SYNE1: variants seen among roughly 807,000 people sequenced by gnomAD.
The protein encoded by SYNE1 is nesprin-1.
A neutral mutation model predicts 1,111.0 loss-of-function variants in SYNE1; 616 were observed. The ratio of observed to expected loss-of-function variants is 0.55; its 90% CI spans 0.52 to 0.59. The LOEUF is 0.59. Ranked by LOEUF, SYNE1 falls within the 20% of genes least tolerant of loss-of-function variation. The pLI is 0.00. For synonymous variants in SYNE1, 3,855 were observed against 3,825.8 expected, an observed-to-expected ratio of 1.01 and a Z score of -0.28; for missense variants, 10,006 against 10,417.0, an observed-to-expected ratio of 0.96 and a Z score of 1.72.
At chr6:152,180,980 A>G (rs1040351284) in intron 128 of SYNE1, among the ~76,000 whole-genome samples, 3 of 151,136 alleles carry the variant, frequency 2.0e-5, no homozygotes, top group African/African-American at 4.9e-5. Context: ...TTCACATATG[A>G]TACAATCACC....
At chr6:152,368,888 C>T in intron 61 of SYNE1, 84 bp downstream of exon 61, 1 of 1,579,682 alleles carries the variant, frequency 6.3e-7, no homozygotes, top group Non-Finnish European at 8.7e-7. Flanking sequence ...GGTCAGGATG[C>T]AATGCACACC....
chr6:152,207,005 G>A (rs761975098), intron 125 of SYNE1, among the ~76,000 whole-genome samples: 5 of 152,124 alleles, frequency 3.3e-5, no homozygotes, highest in African/African-American at 4.8e-5. Context: ...CTCAGGAATC[G>A]AGTAAAAGTA....
chr6:152,517,318 T>C (rs896029815), intron 6 of SYNE1, among the ~76,000 whole-genome samples: 2 of 152,254 alleles, frequency 1.3e-5, no homozygotes, highest in African/African-American at 4.8e-5. Context: ...TCTCCATTTA[T>C]AAAACTAGTT....
chr6:152,450,695 T>C lies in SYNE1; in HGVS notation c.3325A>G (p.Arg1109Gly). The C allele has an allele frequency of 6.2e-7, 1 of 1,614,194 alleles. No individual in the cohort carries two copies. Among genetic ancestry groups the C allele is most frequent in the Non-Finnish European group, 8.5e-7 (1 of 1,180,032 alleles). ...GTCHVTLKEL[R>G]AAIDSTYRKL... The stretch of plus-strand genomic sequence containing the variant: ...CTGTAGGTGCTGTCAATGGCAGCTC[T>C]GAGCTCTTTGAGAGTCACGTGACAG... The change falls in exon 27 of 146, where the codon AGA becomes GGA. Residue 1109 changes from arginine (R) to glycine (G), a missense_variant. Arg to Gly is a moderately radical substitution (Grantham distance 125). Around this residue, in one of 7 missense-constraint regions of SYNE1, gnomAD observed 1,971 missense variants for 2,084.1 expected, o/e 0.95. Transcript: ENST00000367255.
In SYNE1 at chr6:152,220,001, A is replaced by C. The variant is rs75235633; in HGVS notation, c.21862-816T>G. Among the ~76,000 whole-genome samples the C allele has an allele frequency of 2.6e-3, 399 of 152,358 alleles. 1 individual carries two copies. The highest frequency in any genetic ancestry group is 9.2e-3 in the African/African-American group (384 of 41,578). ...AGGGCTCTTTACGCTTGACACAGATAACAGACAAGGTGTATTTCAATTCAG... is the reference window on the plus strand; with the variant it reads ...AGGGCTCTTTACGCTTGACACAGATCACAGACAAGGTGTATTTCAATTCAG... On this transcript the variant is annotated intron_variant, in intron 119 of 145. Coordinates refer to ENST00000367255, the MANE Select transcript of SYNE1 (RefSeq NM_182961.4).
chr6:152,151,186 C>T (rs751689808), intron 135 of SYNE1, among the ~76,000 whole-genome samples: 4 of 150,516 alleles, frequency 2.7e-5, no homozygotes, highest in Non-Finnish European at 5.9e-5. Context: ...TGCGCCACTG[C>T]ACTTCAGCCT....
chr6:152,306,286 T>C (rs2095369796), intron 91 of SYNE1, among the ~76,000 whole-genome samples: 1 of 152,068 alleles, frequency 6.6e-6, no homozygotes, highest in African/African-American at 2.4e-5. Context: ...AGGAGTTCAA[T>C]ACCAGCCTGG....
At chr6:152,352,976 T>G (rs1392022582) in intron 69 of SYNE1, among the ~76,000 whole-genome samples, 1 of 152,180 alleles carries the variant, frequency 6.6e-6, no homozygotes, top group Non-Finnish European at 1.5e-5. Context: ...GGCCATTAAT[T>G]TGAGAGAGAA....
intron 39 of SYNE1, among the ~76,000 whole-genome samples, chr6:152,420,539 G>A (rs1476213521): frequency 2.0e-5 from 3 of 152,138 alleles, no homozygotes; most frequent in Non-Finnish European, 4.4e-5. Flanking sequence ...AGAATTGCTT[G>A]AACCTAGGAG....
chr6:152,283,690 C>T (rs979415283), intron 96 of SYNE1, among the ~76,000 whole-genome samples: 1 of 152,108 alleles, frequency 6.6e-6, no homozygotes, highest in Non-Finnish European at 1.5e-5. Context: ...GCACACACCA[C>T]CATGTCTGGC....
At chr6:152,414,330 G>C (rs2154178471) in intron 41 of SYNE1, among the ~76,000 whole-genome samples, 1 of 152,114 alleles carries the variant, frequency 6.6e-6, no homozygotes, top group African/African-American at 2.4e-5. Flanking sequence ...GATCATGTGA[G>C]CCCAAAAGTT....
At position 152,136,660 on chromosome 6, in the gene SYNE1, C is replaced by T. The variant is rs118187988; in HGVS notation, c.25617G>A (p.Glu8539=). Residue 8539 remains glutamate (E), a synonymous_variant, in exon 141 of 146, where the codon GAG becomes GAA. Transcript: ENST00000367255. The part of the protein sequence containing the change: ...GRWDRVCSLL[E]EWRGLLQDAL... ...CATCCTGCAGCAGGCCCCGCCACTC[C>T]TCCAGCAGAGAGCACACTCGGTCCC... 3,435 of 1,614,138 alleles carry T rather than the reference C, an allele frequency of 2.1e-3. 7 individuals carry two copies. The highest frequency in any genetic ancestry group is 4.7e-3 in the Middle Eastern group (28 of 6,000).
At chr6:152,566,995 G>C (rs985140206) in intron 3 of SYNE1, among the ~76,000 whole-genome samples, 2 of 139,272 alleles carry the variant, frequency 1.4e-5, no homozygotes, top group Non-Finnish European at 3.3e-5. Context: ...CTGTGTGTGT[G>C]TGTGTGTGTG....
intron 66 of SYNE1, 150 bp downstream of exon 66, chr6:152,358,223 A>G (rs188173262): frequency 6.3e-4 from 687 of 1,085,614 alleles, no homozygotes; most frequent in Non-Finnish European, 8.8e-4. Context: ...GAGGTCTCAG[A>G]ATGTTCTTGA....
At chr6:152,223,431 C>A (rs925547457) in intron 117 of SYNE1, among the ~76,000 whole-genome samples, 1 of 152,094 alleles carries the variant, frequency 6.6e-6, no homozygotes, top group Non-Finnish European at 1.5e-5. Flanking sequence ...ACCAGCCTGG[C>A]CAAGATGGTG....
chr6:152,246,860 C>A (rs963404134), intron 105 of SYNE1, among the ~76,000 whole-genome samples: 1 of 152,082 alleles, frequency 6.6e-6, no homozygotes, highest in Non-Finnish European at 1.5e-5. Flanking sequence ...GAAGAAAAAG[C>A]CTTGAAACTC....
Position 152,252,964 on chromosome 6 carries a change from A to G in SYNE1, c.19470+1916T>C, listed in dbSNP as rs118099057. Among the ~76,000 whole-genome samples the G allele has an allele frequency of 2.0e-4, 30 of 152,358 alleles. No individual in the cohort carries two copies. In the East Asian group the frequency reaches 5.2e-3, roughly 26 times the overall value. ...AAAGTATGAAAGTACTAAAGATACT[A>G]AATGCAATTCACAAAAGATATGGGG... On this transcript the variant is annotated intron_variant, in intron 104 of 145. Transcript: ENST00000367255.
intron 87 of SYNE1, 45 bp from the exon 88 acceptor site, chr6:152,310,918 G>A (rs1374028291): frequency 6.3e-7 from 1 of 1,583,698 alleles, no homozygotes; most frequent in Non-Finnish European, 8.6e-7. Context: ...GGCAGGTAGA[G>A]GGATATAGAT....
chr6:152,242,475 T>C lies in SYNE1; in HGVS notation c.19693-35A>G, dbSNP rs368342155. Reference sequence around the variant, plus strand: ...AGAGACCACAAGACTCACTCTCAATTCATATTCTGGCAACCCTCTAAAAGC... The same window carrying C: ...AGAGACCACAAGACTCACTCTCAATCCATATTCTGGCAACCCTCTAAAAGC... On this transcript the variant is annotated intron_variant, in intron 106 of 145. Coordinates refer to ENST00000367255, the MANE Select transcript of SYNE1 (RefSeq NM_182961.4). 2.2e-5 allele frequency: 36 copies of C among 1,611,202 alleles called. No homozygotes were observed. In the African/African-American group the frequency reaches 4.8e-4, roughly 22 times the overall value.
Sources: allele counts gnomAD v4.1 joint callset (sites outside exome capture counted in the v4.1 genomes callset), GRCh38; gene constraint gnomAD v4.1.1; regional missense constraint gnomAD v4.1.1; transcripts MANE v1.5; gene names NCBI Gene and HGNC (gene_info 2026-07-23, HGNC 2026-07-21).